Variants in PCDH10 observed in about 807,000 individuals in gnomAD.
The protein encoded by PCDH10 is protocadherin 10.
A neutral mutation model predicts 74.4 loss-of-function variants in PCDH10; 15 were observed. The ratio of observed to expected loss-of-function variants is 0.20; its 90% CI spans 0.13 to 0.31. PCDH10 has a LOEUF of 0.31. Among genes scored for constraint, PCDH10 ranks in the 10% least tolerant of loss-of-function variants. PCDH10 has a pLI of 1.00. For missense variants in PCDH10, 1,260 were observed against 1,390.2 expected (o/e 0.91, Z 1.49); for synonymous variants, 619 against 589.8 (o/e 1.05, Z -0.72).
rs1727663628 is a variant in PCDH10, at chr4:133,191,332, T to G, written c.*1172T>G. 1 of 152,216 alleles carries G rather than the reference T, an allele frequency of 6.6e-6. No homozygotes were observed. The allele number at this position is 152,216 out of a possible 1,614,324, so 9.4% of individuals were successfully genotyped here. A position where few individuals can be genotyped will look rare whatever the true frequency, so the allele number is the denominator to read the frequency against. The stretch of plus-strand genomic sequence containing the variant: ...AAATCTATAATTCTATATGAATATA[T>G]AGAGATATAGAAACATCTGAACTGG... On this transcript the variant is annotated 3_prime_UTR_variant, in exon 5 of 5. Transcript: ENST00000264360.
intron 3 of PCDH10, among the ~76,000 whole-genome samples, chr4:133,160,611 A>C (rs1726948893): frequency 6.7e-6 from 1 of 150,262 alleles, no homozygotes; most frequent in African/African-American, 2.4e-5. Flanking sequence ...ATCAAGCAGT[A>C]TCCTAATATA....
chr4:133,163,005 G>A lies in PCDH10; in HGVS notation c.2826G>A (p.Glu942=). The part of the protein sequence containing the change: ...AGMDLFSNCT[E]ECKALGHSDR... ...TGGATCTCTTCTCCAATTGCACTGAGGAATGTAAAGCTCTGGGCCACTCAG... is the reference window on the plus strand; with the variant it reads ...TGGATCTCTTCTCCAATTGCACTGAAGAATGTAAAGCTCTGGGCCACTCAG... Residue 942 remains glutamate (E), a synonymous_variant, in exon 4 of 5, where the codon GAG becomes GAA. Transcript: ENST00000264360. The A allele has an allele frequency of 6.2e-7, 1 of 1,613,630 alleles. No homozygotes were observed. The highest frequency in any genetic ancestry group is 1.1e-5 in the South Asian group (1 of 91,080).
intron 3 of PCDH10, 110 bp from the exon 4 acceptor site, chr4:133,162,864 TTTG>T: frequency 1.2e-6 from 1 of 840,436 alleles, no homozygotes; most frequent in Non-Finnish European, 1.8e-6. Context: ...CCAGGAAAAA[TTTG>T]TTAAGACAAC....
intron 2 of PCDH10, among the ~76,000 whole-genome samples, chr4:133,199,720 C>T (rs1727864235): frequency 1.3e-5 from 2 of 150,248 alleles, no homozygotes; most frequent in African/African-American, 4.9e-5. Flanking sequence ...CCATGTGGGG[C>T]CTGAACTGCA....
At chr4:133,168,625 A>C (rs1464269412) in intron 4 of PCDH10, among the ~76,000 whole-genome samples, 3 of 151,528 alleles carry the variant, frequency 2.0e-5, no homozygotes, top group African/African-American at 7.3e-5. Flanking sequence ...CCATTTATTA[A>C]CTTTGCTAAA....
At chr4:133,202,346 G>A (rs914045626) in intron 2 of PCDH10, among the ~76,000 whole-genome samples, 3 of 152,290 alleles carry the variant, frequency 2.0e-5, no homozygotes, top group Admixed American at 2.0e-4. Flanking sequence ...ATGGCATTAT[G>A]CCTCTTAATT....
intron 3 of PCDH10, among the ~76,000 whole-genome samples, chr4:133,162,564 C>G (rs1726991397): frequency 6.6e-6 from 1 of 152,016 alleles, no homozygotes; most frequent in African/African-American, 2.4e-5. Context: ...AAATATTTAT[C>G]ATTGTTAGGG....
rs1043913290 is a variant in PCDH10 at position 133,149,822 on chromosome 4, G to T, written c.-319G>T. On this transcript the variant is annotated 5_prime_UTR_variant, in exon 1 of 5. Coordinates refer to ENST00000264360, the MANE Select transcript of PCDH10 (RefSeq NM_032961.3). ...AATTTCCTCTTTGGGATTTGCCAGC[G>T]CCAAGACTGTCGGAATAAAGGACGC... The T allele has an allele frequency of 4.8e-6, 1 of 209,382 alleles. No individual in the cohort carries two copies. The allele number at this position is 209,382 out of a possible 1,614,324, so 13.0% of individuals were successfully genotyped here.
intron 4 of PCDH10, among the ~76,000 whole-genome samples, chr4:133,183,312 G>A (rs1727459832): frequency 6.6e-6 from 1 of 151,880 alleles, no homozygotes; most frequent in Non-Finnish European, 1.5e-5. Context: ...TAAATGTACT[G>A]TTACCTTATG....
intron 3 of PCDH10, among the ~76,000 whole-genome samples, chr4:133,155,393 A>C (rs1382085851): frequency 6.6e-6 from 1 of 152,226 alleles, no homozygotes; most frequent in Admixed American, 6.5e-5. Flanking sequence ...AGATAACTGA[A>C]GATAAATAAA....
Position 133,151,802 on chromosome 4 carries a change from G to A in PCDH10, c.1662G>A (p.Leu554=). ...GGGACGCTGGCAGCCCCCAGGCGCTGGCTGGTAACGCCACTGTCAACATCC... is the reference window on the plus strand; with the variant it reads ...GGGACGCTGGCAGCCCCCAGGCGCTAGCTGGTAACGCCACTGTCAACATCC... ...EARDAGSPQA[L]AGNATVNILI... The change falls in exon 1 of 5, where the codon CTG becomes CTA. Residue 554 remains leucine, a synonymous_variant. Coordinates refer to ENST00000264360, the MANE Select transcript of PCDH10 (RefSeq NM_032961.3). The A allele has an allele frequency of 6.2e-7, 1 of 1,613,112 alleles. No homozygotes were observed. Among genetic ancestry groups the A allele is most frequent in the Non-Finnish European group, 8.5e-7 (1 of 1,180,046 alleles).
rs368316949 is a variant in PCDH10 at position 133,174,298 on chromosome 4, T to C, written c.3103+11016T>C. On this transcript the variant is annotated intron_variant, in intron 4 of 4. Coordinates refer to ENST00000264360, the MANE Select transcript of PCDH10 (RefSeq NM_032961.3). Reference sequence around the variant, plus strand: ...CTTATATGCCATATATAATTCTATCTGGAGTTGATATTTGGAGATTAAATT... The same window carrying C: ...CTTATATGCCATATATAATTCTATCCGGAGTTGATATTTGGAGATTAAATT... 8.6e-5 allele frequency among the ~76,000 whole-genome samples: 13 copies of C among 151,960 alleles called. No homozygotes were observed. In the East Asian group the frequency reaches 1.2e-3, roughly 14 times the overall value.
At chr4:133,172,977 C>A (rs1314661882) in intron 4 of PCDH10, among the ~76,000 whole-genome samples, 1 of 151,906 alleles carries the variant, frequency 6.6e-6, no homozygotes. Context: ...TTATACTTGT[C>A]TTCATATCTT....
At chr4:133,186,151 C>G (rs1171227860) in intron 4 of PCDH10, among the ~76,000 whole-genome samples, 1 of 152,000 alleles carries the variant, frequency 6.6e-6, no homozygotes, top group Non-Finnish European at 1.5e-5. Context: ...CACCATGGAA[C>G]TTTTATTAAA....
intron 4 of PCDH10, among the ~76,000 whole-genome samples, chr4:133,174,451 A>C (rs1221161793): frequency 6.6e-6 from 1 of 151,832 alleles, no homozygotes; most frequent in Non-Finnish European, 1.5e-5. Flanking sequence ...ATTTAATAAT[A>C]ACAGAAGTAA....
At position 133,150,362 on chromosome 4, in the gene PCDH10, C is replaced by T. The variant is rs757211808; in HGVS notation, c.222C>T (p.Tyr74=). The change falls in exon 1 of 5, where the codon TAC becomes TAT. Residue 74 remains tyrosine, a synonymous_variant. Transcript: ENST00000264360. ...LDLNLETGVL[Y]VNEKIDREQI... ...TCAACCTGGAGACAGGGGTGCTGTA[C>T]GTGAACGAGAAAATAGACCGCGAAC... The T allele has an allele frequency of 3.7e-6, 6 of 1,613,828 alleles. No homozygotes were observed. Among genetic ancestry groups the T allele is most frequent in the Non-Finnish European group, 5.1e-6 (6 of 1,179,924 alleles).
chr4:133,181,715 A>T (rs188433083), intron 4 of PCDH10, among the ~76,000 whole-genome samples: 2 of 152,004 alleles, frequency 1.3e-5, no homozygotes, highest in East Asian at 3.9e-4. Flanking sequence ...CCCCCTTCTT[A>T]GTCTGCCCTT....
In PCDH10 at chr4:133,193,259, G is replaced by A. The variant is rs969334966; in HGVS notation, c.*3099G>A. 6.6e-6 allele frequency: 1 copy of A among 151,592 alleles called. No individual in the cohort carries two copies. The highest frequency in any genetic ancestry group is 2.4e-5 in the African/African-American group (1 of 41,370). 9.4% of individuals were successfully genotyped at this position (151,592 alleles called of 1,614,324 possible). A position where few individuals can be genotyped will look rare whatever the true frequency, so the allele number is the denominator to read the frequency against. ...TCAGAATTACTTCACAGATATAATA[G>A]CGTCAATGATATATGTATCATCTTT... On this transcript the variant is annotated 3_prime_UTR_variant, in exon 5 of 5. Coordinates refer to ENST00000264360, the MANE Select transcript of PCDH10 (RefSeq NM_032961.3).
In PCDH10 at chr4:133,151,326, G is replaced by C; in HGVS notation, c.1186G>C (p.Glu396Gln). The change falls in exon 1 of 5, where the codon GAG becomes CAG. Residue 396 changes from glutamate (E) to glutamine (Q), a missense_variant. Glu to Gln is a conservative substitution (Grantham distance 29). Around this residue, in one of 11 missense-constraint regions of PCDH10, gnomAD observed 112 missense variants for 123.6 expected, o/e 0.91. Transcript: ENST00000264360. ...DSEENGQVQC[E>Q]LLGDVPFRLK... Reference sequence around the variant, plus strand: ...AGAGGAGAATGGGCAGGTGCAGTGCGAGCTACTGGGAGACGTGCCTTTCCG... The same window carrying C: ...AGAGGAGAATGGGCAGGTGCAGTGCCAGCTACTGGGAGACGTGCCTTTCCG... 1 of 1,614,164 alleles carries C rather than the reference G, an allele frequency of 6.2e-7. No homozygotes were observed. The highest frequency in any genetic ancestry group is 1.1e-5 in the South Asian group (1 of 91,090).
Sources: allele counts gnomAD v4.1 joint callset (sites outside exome capture counted in the v4.1 genomes callset), GRCh38; gene constraint gnomAD v4.1.1; regional missense constraint gnomAD v4.1.1; transcripts MANE v1.5; gene names NCBI Gene and HGNC (gene_info 2026-07-23, HGNC 2026-07-21).